C4orf50: variants seen among roughly 807,000 people sequenced by gnomAD.
C4orf50 encodes the protein uncharacterized protein C4orf50.
C4orf50 carries 80 observed loss-of-function variants against 77.2 expected under a neutral mutation model. That is an observed-to-expected ratio of 1.04 (90% CI 0.87 to 1.25). C4orf50 has a LOEUF of 1.25. Among genes scored for constraint, C4orf50 ranks in the 50% most tolerant of loss-of-function variants. The pLI is 0.00. For missense variants in C4orf50, 1,257 were observed against 1,152.9 expected, an observed-to-expected ratio of 1.09 and a Z score of -1.31; for synonymous variants, 532 against 465.3, an observed-to-expected ratio of 1.14 and a Z score of -1.84.
chr4:5,909,349 A>G (rs1004215338), intron 7 of C4orf50, among the ~76,000 whole-genome samples: 27 of 152,200 alleles, frequency 1.8e-4, no homozygotes, highest in Admixed American at 1.8e-3. Context: ...CCATTTTAAA[A>G]TCAGATTGTT....
chr4:5,984,279 A>G (rs1720748102), intron 28 of C4orf50, among the ~76,000 whole-genome samples: 1 of 152,260 alleles, frequency 6.6e-6, no homozygotes, highest in South Asian at 2.1e-4. Context: ...AATGTCCAAC[A>G]TAAAAGTTTT....
chr4:5,988,287 G>A (rs1287145926), intron 28 of C4orf50, 60 bp downstream of exon 6: 5 of 1,569,000 alleles, frequency 3.2e-6, no homozygotes, highest in Non-Finnish European at 2.6e-6. Flanking sequence ...TAAGTGAATG[G>A]GGTGGCCCCC....
At position 6,018,023 on chromosome 4, in the gene C4orf50, A is replaced by ACG. The variant is rs1381087394; in HGVS notation, c.287+120_287+121dup. 6 of 397,314 alleles carry ACG rather than the reference A, an allele frequency of 1.5e-5. No homozygotes were observed. The highest frequency in any genetic ancestry group is 2.7e-5 in the Non-Finnish European group (6 of 225,866). The allele number at this position is 397,314 out of a possible 1,614,324, so 24.6% of individuals were successfully genotyped here. ...AGGCAAGTGACTGCGTGGGCAGGTTACGTGTCTTTGGTGAGCCAGTTTCCC... is the reference window on the plus strand; with the variant it reads ...AGGCAAGTGACTGCGTGGGCAGGTTACGCGTGTCTTTGGTGAGCCAGTTTCCC... On this transcript the variant is annotated intron_variant, in intron 23 of 33. Coordinates refer to ENST00000531445, the Ensembl canonical transcript of C4orf50. The surrounding 1 kb of genome is among the most constrained non-coding windows in gnomAD (Gnocchi z 5.1).
chr4:5,993,231 C>T (rs1366539618), intron 26 of C4orf50, among the ~76,000 whole-genome samples: 1 of 152,208 alleles, frequency 6.6e-6, no homozygotes, highest in Admixed American at 6.5e-5. Flanking sequence ...CCTCAGCATC[C>T]TCATCTGTCA....
At chr4:5,921,527 C>G (rs905085465) in intron 7 of C4orf50, among the ~76,000 whole-genome samples, 1 of 152,158 alleles carries the variant, frequency 6.6e-6, no homozygotes, top group Non-Finnish European at 1.5e-5. Context: ...TGGCTTCCAG[C>G]TGACAGACCC....
At chr4:5,933,880 G>A (rs551047201) in intron 7 of C4orf50, among the ~76,000 whole-genome samples, 3 of 152,178 alleles carry the variant, frequency 2.0e-5, no homozygotes, top group Non-Finnish European at 4.4e-5. Flanking sequence ...CTGGTGACAA[G>A]ACTGTTGGGG....
intron 30 of C4orf50, 149 bp from the exon 9 acceptor site, chr4:5,973,990 C>T (rs1577952666): frequency 1.5e-6 from 1 of 647,500 alleles, no homozygotes; most frequent in Non-Finnish European, 2.6e-6. Flanking sequence ...CCCTGCGAAG[C>T]CTCCCTGCCC....
At chr4:5,940,496 G>A (rs6842272) in intron 7 of C4orf50, among the ~76,000 whole-genome samples, 35,835 of 152,032 alleles carry the variant, frequency 0.24, 5,403 homozygotes, top group African/African-American at 0.43. Context: ...TGAAGTCCTC[G>A]CCTCAACATT....
chr4:6,000,450 G>A lies in C4orf50; in HGVS notation c.964-5974C>T, dbSNP rs773933625. Among the ~76,000 whole-genome samples the A allele has an allele frequency of 2.6e-4, 40 of 152,076 alleles. 1 individual carries two copies. The highest frequency in any genetic ancestry group is 4.6e-4 in the Non-Finnish European group (31 of 68,028). On this transcript the variant is annotated intron_variant, in intron 25 of 33. Transcript: ENST00000531445. The surrounding 1 kb of genome is among the most constrained non-coding windows in gnomAD (Gnocchi z 6.0). ...CTCAGGAGGAATTCTTCCTTTCCAG[G>A]CAGCCCTTTTTGACCTCAAGATGCT...
chr4:5,953,546 G>A (rs1042387925), downstream of C4orf50, among the ~76,000 whole-genome samples: 10 of 152,324 alleles, frequency 6.6e-5, no homozygotes, highest in Non-Finnish European at 8.8e-5. Context: ...CTCAGTGACA[G>A]CAGTATCTTA....
chr4:5,981,670 C>T (rs1360789007), intron 28 of C4orf50, among the ~76,000 whole-genome samples: 3 of 152,146 alleles, frequency 2.0e-5, no homozygotes, highest in Non-Finnish European at 4.4e-5. Flanking sequence ...TCCCAAAGTG[C>T]TGAGGTTACA....
At chr4:5,972,172 T>C (rs2108773673) in intron 31 of C4orf50, among the ~76,000 whole-genome samples, 1 of 150,778 alleles carries the variant, frequency 6.6e-6, no homozygotes, top group South Asian at 2.1e-4. Flanking sequence ...GCCTAGCTAA[T>C]TTTTGTATTT....
intron 31 of C4orf50, among the ~76,000 whole-genome samples, chr4:5,972,299 G>C (rs942279373): frequency 1.3e-5 from 2 of 152,106 alleles, no homozygotes; most frequent in Non-Finnish European, 2.9e-5. Flanking sequence ...CACCGCGCCC[G>C]GCCTGCTTTC....
rs772043256 is a variant in C4orf50 at position 5,980,320 on chromosome 4, C to A, written c.3718G>T (p.Glu1240Ter). ...AGCCTGGGATCCTCCTCAGTAACCT[C>A]GGCCTCTGAGTCCCGGAGCTGCGGA... The change falls in exon 29 of 34, where the codon GAG becomes TAG. Residue 1240 changes from glutamate (E) to a stop codon, truncating the protein, a stop_gained. Transcript: ENST00000531445. LOFTEE classifies it high-confidence loss of function. 2 of 1,611,032 alleles carry A rather than the reference C, an allele frequency of 1.2e-6. No individual in the cohort carries two copies. Among genetic ancestry groups the A allele is most frequent in the South Asian group, 2.2e-5 (2 of 90,482 alleles).
chr4:5,986,726 A>C (rs1026514263), intron 28 of C4orf50, among the ~76,000 whole-genome samples: 7 of 151,936 alleles, frequency 4.6e-5, no homozygotes, highest in Non-Finnish European at 8.8e-5. Context: ...TTTAGTAGAG[A>C]TGGGGTTTCA....
At chr4:5,956,918 C>G (rs1718994154), downstream of C4orf50, 1 of 152,340 alleles carries the variant, frequency 6.6e-6, no homozygotes, top group Non-Finnish European at 1.5e-5. Context: ...GTTGCCAGAG[C>G]AGGTCCTGCC....
intron 25 of C4orf50, among the ~76,000 whole-genome samples, chr4:5,999,360 C>G (rs1234660883): frequency 6.6e-6 from 1 of 152,182 alleles, no homozygotes; most frequent in Non-Finnish European, 1.5e-5. Context: ...ACTCTACCAC[C>G]TCATAAGCTT....
At chr4:5,957,364 T>G (rs1212422717) in exon 34 of C4orf50, 2 of 152,240 alleles carry the variant, frequency 1.3e-5, no homozygotes, top group South Asian at 4.1e-4. Flanking sequence ...GCACCGGGTT[T>G]CTGTCCTCTC....
At chr4:5,987,922 T>C (rs1423036249) in intron 28 of C4orf50, among the ~76,000 whole-genome samples, 1 of 152,204 alleles carries the variant, frequency 6.6e-6, no homozygotes. Context: ...GGTTTTATCA[T>C]GCTCTACAGT....
Sources: gnomAD v4.1 joint callset for allele counts (sites outside exome capture counted in the v4.1 genomes callset) on GRCh38, gnomAD v4.1.1 for gene constraint, Gnocchi (gnomAD v3.1) non-coding constraint, MANE v1.5 for transcripts, NCBI Gene and HGNC (gene_info 2026-07-23, HGNC 2026-07-21) for gene names.